The following GC variants were observed in gnomAD, a reference collection of about 807,000 sequenced individuals.
GC encodes vitamin D-binding protein.
Under a neutral mutation model 56.7 loss-of-function variants are expected in GC, and 43 were observed. The ratio of observed to expected loss-of-function variants is 0.76; its 90% CI spans 0.59 to 0.98. GC has a LOEUF of 0.98. Ranked by LOEUF, GC falls within the 50% of genes least tolerant of loss-of-function variation. The pLI is 0.00. For missense variants in GC, 529 were observed against 545.9 expected (o/e 0.97, Z 0.31); for synonymous variants, 216 against 202.7 (o/e 1.07, Z -0.56).
intron 1 of GC, among the ~76,000 whole-genome samples, chr4:71,800,434 G>A (rs1743221307): frequency 6.6e-6 from 1 of 152,178 alleles, no homozygotes; most frequent in South Asian, 2.1e-4. Context: ...TGGCTGCATA[G>A]TATCCCATGG....
chr4:71,777,514 T>G (rs113081605), intron 1 of GC, among the ~76,000 whole-genome samples: 156 of 150,924 alleles, frequency 1.0e-3, no homozygotes, highest in African/African-American at 3.7e-3. Flanking sequence ...TTAGATATAT[T>G]TGCTAAGAAA....
At chr4:71,783,056 G>A (rs1019421067) in intron 1 of GC, among the ~76,000 whole-genome samples, 5 of 151,920 alleles carry the variant, frequency 3.3e-5, no homozygotes, top group African/African-American at 1.2e-4. Context: ...GGTTATTCAT[G>A]TTACAGTTAA....
intron 1 of GC, among the ~76,000 whole-genome samples, chr4:71,797,104 C>T (rs1339959056): frequency 6.6e-6 from 1 of 152,192 alleles, no homozygotes; most frequent in Non-Finnish European, 1.5e-5. Flanking sequence ...TCTGTCAGCC[C>T]CTACTGTGAG....
At chr4:71,771,052 T>C (rs1461459706) in intron 1 of GC, among the ~76,000 whole-genome samples, 1 of 150,640 alleles carries the variant, frequency 6.6e-6, no homozygotes, top group African/African-American at 2.5e-5. Flanking sequence ...CCTCCTGTGA[T>C]GTTATATCTT....
intron 1 of GC, among the ~76,000 whole-genome samples, chr4:71,789,931 T>A (rs991348324): frequency 6.6e-6 from 1 of 151,932 alleles, no homozygotes; most frequent in Admixed American, 6.6e-5. Flanking sequence ...AGCCCCTAGA[T>A]GCTGGAAAGG....
upstream of GC, chr4:71,784,163 A>T: frequency 1.5e-6 from 2 of 1,332,346 alleles, no homozygotes; most frequent in East Asian, 5.8e-5. Flanking sequence ...ACACAGAATT[A>T]TTATTAAACA....
chr4:71,777,767 T>G lies in GC; in HGVS notation c.58+6194A>C, dbSNP rs186380957. ...GACTGTGCTCTTGCTATTGTATTTT[T>G]TAATAGATAAAAAAATCACAGTTAT... On this transcript the variant is annotated intron_variant, in intron 1 of 12. Coordinates refer to ENST00000273951, the MANE Select transcript of GC (RefSeq NM_000583.4). Among the ~76,000 whole-genome samples the G allele has an allele frequency of 2.3e-3, 354 of 151,534 alleles. 1 individual carries two copies. Among genetic ancestry groups the G allele is most frequent in the African/African-American group, 8.2e-3 (337 of 41,324 alleles).
intron 4 of GC, among the ~76,000 whole-genome samples, 192 bp from the exon 5 acceptor site, chr4:71,764,128 C>T (rs1742079224): frequency 6.6e-6 from 1 of 152,084 alleles, no homozygotes; most frequent in African/African-American, 2.4e-5. Flanking sequence ...ACTACAGGTG[C>T]ATGCCACCAT....
At chr4:71,767,288 G>C (rs1742187130) in intron 3 of GC, among the ~76,000 whole-genome samples, 1 of 152,110 alleles carries the variant, frequency 6.6e-6, no homozygotes, top group South Asian at 2.1e-4. Context: ...TTATCAAAAT[G>C]CATCTAAATG....
chr4:71,770,410 C>G (rs1742305934), intron 1 of GC, among the ~76,000 whole-genome samples: 1 of 152,108 alleles, frequency 6.6e-6, no homozygotes, highest in Non-Finnish European at 1.5e-5. Context: ...ACCAGGGGCC[C>G]AGAGGAGAGT....
chr4:71,800,637 G>C (rs922372470), intron 1 of GC, among the ~76,000 whole-genome samples: 3 of 152,142 alleles, frequency 2.0e-5, no homozygotes, highest in African/African-American at 7.2e-5. Context: ...TCTGGTTCTA[G>C]ATCTTTGAGG....
chr4:71,803,446 CAAT>C (rs772854997), intron 1 of GC, among the ~76,000 whole-genome samples: 2 of 152,062 alleles, frequency 1.3e-5, no homozygotes, highest in Non-Finnish European at 2.9e-5. Context: ...AATGCATAAT[CAAT>C]GATGATAAAT....
intron 1 of GC, among the ~76,000 whole-genome samples, chr4:71,780,404 A>C (rs1038430090): frequency 1.3e-5 from 2 of 152,136 alleles, no homozygotes; most frequent in Non-Finnish European, 2.9e-5. Flanking sequence ...TAAACTAAAA[A>C]GCTTCTGCAC....
chr4:71,774,692 G>T lies in GC; in HGVS notation c.59-5292C>A, dbSNP rs528001897. On this transcript the variant is annotated intron_variant, in intron 1 of 12. Coordinates refer to ENST00000273951, the MANE Select transcript of GC (RefSeq NM_000583.4). ...TTTGGTGGTACTGTTCTAAATATTT[G>T]ACATGTATTACTTGCTTTAATCTTC... Among the ~76,000 whole-genome samples, 11 of 152,028 alleles carry T rather than the reference G, an allele frequency of 7.2e-5. No individual in the cohort carries two copies. The South Asian group carries it at 2.3e-3, about 32-fold the overall frequency.
intron 3 of GC, among the ~76,000 whole-genome samples, chr4:71,765,926 G>T (rs1177178594): frequency 6.6e-6 from 1 of 152,162 alleles, no homozygotes; most frequent in Non-Finnish European, 1.5e-5. Context: ...CATTAGAATT[G>T]TATTCTCTAG....
At chr4:71,772,973 T>C (rs892325105) in intron 1 of GC, among the ~76,000 whole-genome samples, 1 of 152,112 alleles carries the variant, frequency 6.6e-6, no homozygotes, top group Admixed American at 6.6e-5. Flanking sequence ...TAAAGTTAAT[T>C]TGCAATGTGA....
At chr4:71,754,546 T>G (rs755201392) in intron 9 of GC, 38 bp from the exon 10 acceptor site, 2 of 1,063,554 alleles carry the variant, frequency 1.9e-6, no homozygotes, top group Non-Finnish European at 2.9e-6. Flanking sequence ...AAATTATTTG[T>G]CTTGAAACCT....
At chr4:71,752,693 T>C in intron 10 of GC, 43 bp from the exon 11 acceptor site, 1 of 1,536,740 alleles carries the variant, frequency 6.5e-7, no homozygotes, top group East Asian at 2.3e-5. Flanking sequence ...CATGTATTTA[T>C]TTTATACAAA....
chr4:71,745,208 G>A (rs763966694), intron 12 of GC, among the ~76,000 whole-genome samples: 3 of 152,140 alleles, frequency 2.0e-5, no homozygotes, highest in Non-Finnish European at 2.9e-5. Context: ...TAGATAACTT[G>A]CTCAAATTCA....
Sources: gnomAD v4.1 joint callset for allele counts (sites outside exome capture counted in the v4.1 genomes callset) on GRCh38, gnomAD v4.1.1 for gene constraint, MANE v1.5 for transcripts, NCBI Gene and HGNC (gene_info 2026-07-23, HGNC 2026-07-21) for gene names.